Variants in CAMTA1 observed in about 807,000 individuals in gnomAD.
The protein encoded by CAMTA1 is calmodulin binding transcription activator 1, also known as calmodulin-binding transcription activator 1.
A neutral mutation model predicts 170.9 loss-of-function variants in CAMTA1; 27 were observed. The observed-to-expected ratio is 0.16, with a 90% confidence interval of 0.12 to 0.22. CAMTA1 has a LOEUF of 0.22. Among genes scored for constraint, CAMTA1 ranks in the 10% least tolerant of loss-of-function variants. The pLI is 1.00. For synonymous variants in CAMTA1, 833 were observed against 891.5 expected (o/e 0.93, Z 1.17); for missense variants, 1,619 against 2,217.2 (o/e 0.73, Z 5.42).
rs572786877 is a variant in CAMTA1, at chr1:7,204,774, A to G, written c.303-44717A>G. ...ATTAGAGTCTCCAAATACTATTATT[A>G]TTATTATTATTGTTATTATTTTGGG... On this transcript the variant is annotated intron_variant, in intron 4 of 22. Transcript: ENST00000303635. 3.1e-5 allele frequency among the ~76,000 whole-genome samples: 4 copies of G among 130,106 alleles called. No individual in the cohort carries two copies. The South Asian group carries it at 1.0e-3, about 33-fold the overall frequency. 85.4% of individuals were successfully genotyped at this position (130,106 alleles called of 152,430 possible). A position where few individuals can be genotyped will look rare whatever the true frequency, so the allele number is the denominator to read the frequency against.
intron 3 of CAMTA1, among the ~76,000 whole-genome samples, chr1:6,830,245 C>G (rs1419476956): frequency 6.6e-6 from 1 of 151,496 alleles, no homozygotes; most frequent in East Asian, 1.9e-4. Context: ...ACCGTGTTAG[C>G]CAGGATGGTC....
intron 1 of CAMTA1, among the ~76,000 whole-genome samples, chr1:6,793,686 T>C (rs1174719311): frequency 6.6e-6 from 1 of 152,212 alleles, no homozygotes; most frequent in Non-Finnish European, 1.5e-5. Context: ...GAAATGCAGA[T>C]ACAACCAGAG....
At position 7,588,439 on chromosome 1, in the gene CAMTA1, G is replaced by A. The variant is rs2095329025; in HGVS notation, c.511-51961G>A. Among the ~76,000 whole-genome samples the A allele has an allele frequency of 1.3e-5, 2 of 152,168 alleles. No individual in the cohort carries two copies. The highest frequency in any genetic ancestry group is 4.8e-5 in the African/African-American group (2 of 41,448). ...GGCTTCGTAATCACACTACACTAAC[G>A]CCTCTGCAAGCATCGTTTTATCAAA... On this transcript the variant is annotated intron_variant, in intron 6 of 22. Coordinates refer to ENST00000303635, the MANE Select transcript of CAMTA1 (RefSeq NM_015215.4). The surrounding 1 kb of genome is among the most constrained non-coding windows in gnomAD (Gnocchi z 5.8).
chr1:7,221,475 G>T (rs1660754506), intron 4 of CAMTA1, among the ~76,000 whole-genome samples: 1 of 152,156 alleles, frequency 6.6e-6, no homozygotes, highest in Non-Finnish European at 1.5e-5. Flanking sequence ...CCTCCAGGAA[G>T]TCCCTCCAGA....
intron 4 of CAMTA1, among the ~76,000 whole-genome samples, chr1:7,117,459 G>C (rs1373875014): frequency 6.6e-6 from 1 of 152,174 alleles, no homozygotes; most frequent in African/African-American, 2.4e-5. Flanking sequence ...CCGTGTGCTG[G>C]TGAATGCTCA....
In CAMTA1 at chr1:7,398,154, GCTCTCTCTCT is replaced by G. The variant is rs371668581; in HGVS notation, c.439-69645_439-69636del. The stretch of plus-strand genomic sequence containing the variant: ...TTCAGAAGTTAGATATAATAATATT[GCTCTCTCTCT>G]CTCTCTCTCTCTCTCTCTCTCTCTC... On this transcript the variant is annotated intron_variant, in intron 5 of 22. Transcript: ENST00000303635. Among the ~76,000 whole-genome samples the G allele has an allele frequency of 2.1e-3, 56 of 26,252 alleles. 1 individual carries two copies. Among genetic ancestry groups the G allele is most frequent in the South Asian group, 4.0e-3 (2 of 504 alleles). The allele number at this position is 26,252 out of a possible 152,430, so 17.2% of individuals were successfully genotyped here.
At chr1:7,686,305 C>T (rs2149357939) in intron 11 of CAMTA1, among the ~76,000 whole-genome samples, 1 of 152,284 alleles carries the variant, frequency 6.6e-6, no homozygotes, top group South Asian at 2.1e-4. Context: ...ACCAGGGCGG[C>T]TGCTTTATAG....
intron 4 of CAMTA1, among the ~76,000 whole-genome samples, chr1:7,176,795 G>A (rs1160406007): frequency 6.6e-6 from 1 of 152,188 alleles, no homozygotes; most frequent in Non-Finnish European, 1.5e-5. Context: ...CCCTGGCTGT[G>A]CCATCTTGGG....
At chr1:7,229,566 G>A (rs1442194505) in intron 4 of CAMTA1, among the ~76,000 whole-genome samples, 6 of 110,226 alleles carry the variant, frequency 5.4e-5, no homozygotes, top group Admixed American at 4.3e-4. Context: ...GTGGAGAGGG[G>A]GAGAGGAGGG....
At chr1:7,257,195 C>G (rs899212704) in intron 5 of CAMTA1, among the ~76,000 whole-genome samples, 4 of 152,158 alleles carry the variant, frequency 2.6e-5, no homozygotes, top group Admixed American at 2.0e-4. Context: ...ATCACAGCAT[C>G]CTTTTTTGAA....
chr1:6,937,004 A>C (rs968048738), intron 3 of CAMTA1, among the ~76,000 whole-genome samples: 2 of 151,966 alleles, frequency 1.3e-5, no homozygotes, highest in African/African-American at 4.8e-5. Flanking sequence ...AAGACAAAAA[A>C]AACAGAGAGA....
chr1:7,703,750 C>G (rs961418718), intron 11 of CAMTA1, among the ~76,000 whole-genome samples: 4 of 152,152 alleles, frequency 2.6e-5, no homozygotes, highest in African/African-American at 7.2e-5. Context: ...GTCTTGGGGT[C>G]AGGCACTTTC....
At chr1:7,107,402 C>T (rs925650299) in intron 4 of CAMTA1, among the ~76,000 whole-genome samples, 7 of 151,782 alleles carry the variant, frequency 4.6e-5, no homozygotes, top group African/African-American at 1.5e-4. Flanking sequence ...AGCATTTGTA[C>T]GGGTGAATTT....
intron 3 of CAMTA1, among the ~76,000 whole-genome samples, chr1:6,941,136 G>C (rs1410632075): frequency 6.6e-6 from 1 of 152,090 alleles, no homozygotes; most frequent in East Asian, 1.9e-4. Flanking sequence ...CCAGTCCCTG[G>C]TGTTTCCCTC....
At chr1:7,365,836 A>G (rs796851461) in intron 5 of CAMTA1, among the ~76,000 whole-genome samples, 32 of 152,304 alleles carry the variant, frequency 2.1e-4, no homozygotes, top group African/African-American at 7.7e-4. Context: ...GGTTCCACCC[A>G]GAGCAATACG....
intron 4 of CAMTA1, among the ~76,000 whole-genome samples, chr1:7,124,977 G>A (rs1253669744): frequency 6.6e-6 from 1 of 152,172 alleles, no homozygotes; most frequent in Non-Finnish European, 1.5e-5. Context: ...TCCACTCTAA[G>A]TGCCGTCTCT....
At chr1:7,233,565 G>A (rs1006174025) in intron 4 of CAMTA1, among the ~76,000 whole-genome samples, 2 of 152,194 alleles carry the variant, frequency 1.3e-5, no homozygotes, top group East Asian at 3.9e-4. Context: ...GCTGTTTCTT[G>A]ATTAATTTGC....
chr1:6,871,748 G>GT (rs1268289487), intron 3 of CAMTA1: 1 of 1,534,488 alleles, frequency 6.5e-7, no homozygotes, highest in South Asian at 1.2e-5. Context: ...GAGCTCCTTT[G>GT]TTTTGCAGAG....
At chr1:7,323,339 T>C (rs1208851545) in intron 5 of CAMTA1, among the ~76,000 whole-genome samples, 1 of 151,844 alleles carries the variant, frequency 6.6e-6, no homozygotes, top group Non-Finnish European at 1.5e-5. Context: ...TTTAGAAAAA[T>C]CTTCCTCCAG....
Sources: allele counts gnomAD v4.1 joint callset (sites outside exome capture counted in the v4.1 genomes callset), GRCh38; gene constraint gnomAD v4.1.1; non-coding constraint Gnocchi (gnomAD v3.1); transcripts MANE v1.5; gene names NCBI Gene and HGNC (gene_info 2026-07-23, HGNC 2026-07-21).